Variants in MALRD1 observed in about 807,000 individuals in gnomAD.
MALRD1 encodes MAM and LDL-receptor class A domain-containing protein 1.
A neutral mutation model predicts 242.1 loss-of-function variants in MALRD1; 247 were observed. That is an observed-to-expected ratio of 1.02 (90% CI 0.92 to 1.13). The LOEUF is 1.13. Ranked by LOEUF, MALRD1 falls within the 50% of genes most tolerant of loss-of-function variation. MALRD1 has a pLI of 0.00. For missense variants in MALRD1, 2,989 were observed against 2,533.1 expected, an observed-to-expected ratio of 1.18 and a Z score of -3.86; for synonymous variants, 995 against 866.6, an observed-to-expected ratio of 1.15 and a Z score of -2.60.
intron 10 of MALRD1, among the ~76,000 whole-genome samples, chr10:19,144,432 G>A (rs769996484): frequency 6.6e-6 from 1 of 152,172 alleles, no homozygotes; most frequent in Non-Finnish European, 1.5e-5. Context: ...TAGAGAAATC[G>A]GAAGTGGCAT....
intron 32 of MALRD1, among the ~76,000 whole-genome samples, chr10:19,557,417 A>C (rs1051039452): frequency 2.6e-5 from 4 of 152,094 alleles, no homozygotes; most frequent in African/African-American, 9.7e-5. Flanking sequence ...TATAGTTTGC[A>C]GTTGACTTTT....
chr10:19,106,016 G>A (rs977413207), intron 5 of MALRD1, among the ~76,000 whole-genome samples: 1 of 151,746 alleles, frequency 6.6e-6, no homozygotes, highest in African/African-American at 2.4e-5. Context: ...TTTTTAGTTT[G>A]ATGTAATCTC....
rs183175936 is a variant in MALRD1, at chr10:19,232,751, A to T, written c.2991+23071A>T. On this transcript the variant is annotated intron_variant, in intron 18 of 39. Coordinates refer to ENST00000454679, the MANE Select transcript of MALRD1 (RefSeq NM_001142308.3). The stretch of plus-strand genomic sequence containing the variant: ...TCAGGCAAATCAAAAGTATACATAC[A>T]AGCATGCAGATGAATTTCGGTGAAT... 5.2e-4 allele frequency among the ~76,000 whole-genome samples: 79 copies of T among 152,318 alleles called. No homozygotes were observed. The East Asian group carries it at 7.5e-3, about 15-fold the overall frequency.
chr10:19,589,565 C>G (rs1403218196), intron 33 of MALRD1, among the ~76,000 whole-genome samples: 1 of 152,168 alleles, frequency 6.6e-6, no homozygotes, highest in Non-Finnish European at 1.5e-5. Flanking sequence ...CTTTGTTCTT[C>G]TCACCCCAGC....
intron 29 of MALRD1, among the ~76,000 whole-genome samples, chr10:19,463,905 C>T (rs1836080881): frequency 6.6e-6 from 1 of 152,108 alleles, no homozygotes; most frequent in African/African-American, 2.4e-5. Context: ...TGATTATGGC[C>T]ATTCTTGCAG....
Position 19,113,725 on chromosome 10 carries a change from G to C in MALRD1, c.694+9650G>C, listed in dbSNP as rs118131033. On this transcript the variant is annotated intron_variant, in intron 5 of 39. Transcript: ENST00000454679. ...GTTTCTGAGCAAAAGTTTCTTGTGA[G>C]TTGAGGTTTCTTGTGCAGGGAATTT... 9.6e-4 allele frequency among the ~76,000 whole-genome samples: 145 copies of C among 150,870 alleles called. 1 individual carries two copies. Among genetic ancestry groups the C allele is most frequent in the African/African-American group, 3.3e-3 (135 of 40,988 alleles).
intron 14 of MALRD1, among the ~76,000 whole-genome samples, chr10:19,181,360 T>C (rs1320459233): frequency 2.6e-5 from 4 of 152,184 alleles, no homozygotes; most frequent in African/African-American, 9.7e-5. Context: ...AAAGAAACAG[T>C]GGAATATTAT....
At chr10:19,392,315 A>G (rs1846372450) in intron 28 of MALRD1, among the ~76,000 whole-genome samples, 1 of 152,134 alleles carries the variant, frequency 6.6e-6, no homozygotes, top group Non-Finnish European at 1.5e-5. Flanking sequence ...GAATCCAAGT[A>G]TGTCTGGGTC....
At chr10:19,649,444 A>G (rs1317533596) in intron 36 of MALRD1, among the ~76,000 whole-genome samples, 3 of 152,168 alleles carry the variant, frequency 2.0e-5, no homozygotes, top group African/African-American at 7.2e-5. Context: ...CAGGTGTGAG[A>G]TGGTATCTCA....
At chr10:19,164,598 C>A (rs1834590579) in intron 12 of MALRD1, among the ~76,000 whole-genome samples, 2 of 152,064 alleles carry the variant, frequency 1.3e-5, no homozygotes, top group South Asian at 4.2e-4. Flanking sequence ...TGCAGCATAT[C>A]TGAACTTGTT....
chr10:19,698,617 C>T (rs923670057), intron 38 of MALRD1, among the ~76,000 whole-genome samples: 3 of 152,110 alleles, frequency 2.0e-5, no homozygotes, highest in Non-Finnish European at 2.9e-5. Context: ...ATACCATCAC[C>T]AGCACTACCC....
chr10:19,258,172 C>A (rs1381204988), intron 19 of MALRD1, among the ~76,000 whole-genome samples: 2 of 152,152 alleles, frequency 1.3e-5, no homozygotes, highest in Non-Finnish European at 2.9e-5. Flanking sequence ...TGTTGTCAAC[C>A]ATTTCCTCAC....
intron 2 of MALRD1, among the ~76,000 whole-genome samples, chr10:19,082,451 T>A (rs1410448966): frequency 6.6e-6 from 1 of 151,914 alleles, no homozygotes; most frequent in East Asian, 1.9e-4. Flanking sequence ...TTTATTGATG[T>A]CCTCTATTTT....
intron 14 of MALRD1, among the ~76,000 whole-genome samples, chr10:19,192,942 C>G (rs879170781): frequency 2.0e-5 from 3 of 151,796 alleles, no homozygotes; most frequent in African/African-American, 7.3e-5. Context: ...TTTTTTCCAG[C>G]TGCTTTTAAC....
intron 32 of MALRD1, among the ~76,000 whole-genome samples, chr10:19,539,965 ACTC>A (rs1834891451): frequency 6.9e-6 from 1 of 145,576 alleles, no homozygotes; most frequent in African/African-American, 2.6e-5. Context: ...CTGGTCTTGA[ACTC>A]CTGAGCTCAA....
At chr10:19,636,536 A>G (rs570790288) in intron 36 of MALRD1, among the ~76,000 whole-genome samples, 1 of 152,258 alleles carries the variant, frequency 6.6e-6, no homozygotes, top group East Asian at 1.9e-4. Flanking sequence ...ACAGCCTCAA[A>G]ATAAATATGT....
Position 19,110,070 on chromosome 10 carries a change from T to C in MALRD1, c.694+5995T>C, listed in dbSNP as rs147243785. Among the ~76,000 whole-genome samples, 238 of 152,348 alleles carry C rather than the reference T, an allele frequency of 1.6e-3. 1 individual carries two copies. Among genetic ancestry groups the C allele is most frequent in the Middle Eastern group, 3.4e-3 (1 of 294 alleles). On this transcript the variant is annotated intron_variant, in intron 5 of 39. Coordinates refer to ENST00000454679, the MANE Select transcript of MALRD1 (RefSeq NM_001142308.3). The stretch of plus-strand genomic sequence containing the variant: ...TCTATGAATCCAGTCTGAGTCCCCA[T>C]GCTCTACAGGGTCACTGCTATTCCC...
At position 19,205,127 on chromosome 10, in the gene MALRD1, T is replaced by C. The variant is rs571457331; in HGVS notation, c.2440T>C (p.Cys814Arg). 6.4e-7 allele frequency: 1 copy of C among 1,550,756 alleles called. No individual in the cohort carries two copies. Among genetic ancestry groups the C allele is most frequent in the South Asian group, 1.2e-5 (1 of 84,052 alleles). Residue 814 changes from cysteine to arginine, a missense_variant, in exon 17 of 40, where the codon TGT (cysteine) becomes CGT (arginine). Physicochemically the swap from Cys to Arg is radical, Grantham distance 180 (BLOSUM62 -3). Coordinates refer to ENST00000454679, the MANE Select transcript of MALRD1 (RefSeq NM_001142308.3). ...SAIDDIRFEN[C>R]TLPLPAESCE... is the part of the protein sequence containing the mutation. The stretch of plus-strand genomic sequence containing the variant: ...TATTGATGACATCCGATTTGAAAAT[T>C]GTACTCTCCCTCTTCCTGCTGAGAG...
At chr10:19,642,002 A>G (rs1158243485) in intron 36 of MALRD1, among the ~76,000 whole-genome samples, 1 of 152,296 alleles carries the variant, frequency 6.6e-6, no homozygotes, top group South Asian at 2.1e-4. Context: ...ATCTGCCTCA[A>G]AATTAAAACT....
Sources: gnomAD v4.1 joint callset for allele counts (sites outside exome capture counted in the v4.1 genomes callset) on GRCh38, gnomAD v4.1.1 for gene constraint, MANE v1.5 for transcripts, NCBI Gene and HGNC (gene_info 2026-07-23, HGNC 2026-07-21) for gene names.